The following ATP6V1C2 variants were observed in gnomAD, a reference collection of about 807,000 sequenced individuals.
The protein encoded by ATP6V1C2 is ATPase H+ transporting V1 subunit C2.
Under a neutral mutation model 56.8 loss-of-function variants are expected in ATP6V1C2, and 45 were observed. The ratio of observed to expected loss-of-function variants is 0.79; its 90% confidence interval spans 0.62 to 1.02. The LOEUF (loss-of-function observed/expected upper bound fraction) is 1.02. ATP6V1C2 is among the 50% of genes least tolerant of loss of function. The pLI is 0.00. For synonymous variants in ATP6V1C2, 220 were observed against 201.3 expected (o/e 1.09, Z -0.79); for missense variants, 463 against 519.7 (o/e 0.89, Z 1.06).
At chr2:10,777,807 A>G (rs559423434) in intron 11 of ATP6V1C2, 85 bp downstream of exon 11, 177 of 1,495,128 alleles carry the variant, frequency 1.2e-4, no homozygotes, top group Non-Finnish European at 1.5e-4. Context: ...GAATCCTTGC[A>G]TTTTTCTGTT....
At chr2:10,721,936 G>A (rs963429446) in intron 1 of ATP6V1C2, among the ~76,000 whole-genome samples, 7 of 152,230 alleles carry the variant, frequency 4.6e-5, no homozygotes, top group African/African-American at 1.7e-4. Context: ...CAGTCAAGGC[G>A]GAAAGGAGCT....
chr2:10,738,037 C>T lies in ATP6V1C2; in HGVS notation c.197+11468C>T, dbSNP rs1243270975. Among the ~76,000 whole-genome samples the T allele has an allele frequency of 3.3e-5, 5 of 152,190 alleles. No homozygotes were observed. In the South Asian group the frequency reaches 8.3e-4, roughly 25 times the overall value. ...TCGAAGGCTGCCCCTTTGTTCCTCT[C>T]TAGCGCTTCTGTGTGCAGTATATTG... On this transcript the variant is annotated intron_variant, in intron 3 of 13. Coordinates refer to ENST00000272238, the MANE Select transcript of ATP6V1C2 (RefSeq NM_001039362.2).
intron 3 of ATP6V1C2, among the ~76,000 whole-genome samples, chr2:10,751,658 G>A (rs549509451): frequency 6.6e-6 from 1 of 152,072 alleles, no homozygotes; most frequent in Non-Finnish European, 1.5e-5. Context: ...GAAGGGATGG[G>A]GCACATTACT....
chr2:10,732,247 T>C (rs1365706394), intron 3 of ATP6V1C2, among the ~76,000 whole-genome samples: 1 of 151,828 alleles, frequency 6.6e-6, no homozygotes, highest in Non-Finnish European at 1.5e-5. Flanking sequence ...CTCTCTCTCT[T>C]TCTCTCACTC....
intron 3 of ATP6V1C2, among the ~76,000 whole-genome samples, chr2:10,739,956 G>A (rs553171700): frequency 5.6e-5 from 4 of 70,948 alleles, no homozygotes; most frequent in African/African-American, 1.0e-4. Flanking sequence ...AAAAAAATTC[G>A]CTGGGCTTGG....
intron 4 of ATP6V1C2, 83 bp from the exon 5 acceptor site, chr2:10,764,248 G>A (rs1476866916): frequency 1.6e-6 from 2 of 1,268,606 alleles, no homozygotes; most frequent in African/African-American, 2.9e-5. Context: ...TGTCCACGCT[G>A]ATGCTTGGCT....
chr2:10,754,038 G>A lies in ATP6V1C2; in HGVS notation c.255G>A (p.Lys85=). The part of the protein sequence containing the change: ...VVEVMEDSKG[K]VQEHLLANGV... The stretch of plus-strand genomic sequence containing the variant: ...AAGTCATGGAGGACTCAAAGGGGAA[G>A]GTCCAGGAGCACCTCCTGGCAAACG... The change falls in exon 4 of 14, where the codon AAG becomes AAA. Residue 85 remains lysine (K), a synonymous_variant. Transcript: ENST00000272238. 2 of 1,607,086 alleles carry A rather than the reference G, an allele frequency of 1.2e-6. No individual in the cohort carries two copies. Among genetic ancestry groups the A allele is most frequent in the Non-Finnish European group, 1.7e-6 (2 of 1,176,106 alleles).
chr2:10,756,232 C>T (rs1365157894), intron 4 of ATP6V1C2, among the ~76,000 whole-genome samples: 3 of 152,070 alleles, frequency 2.0e-5, no homozygotes, highest in Non-Finnish European at 2.9e-5. Flanking sequence ...TAGTGGTGCA[C>T]ACCTGTAATC....
At chr2:10,752,925 G>T (rs1663301925) in intron 3 of ATP6V1C2, among the ~76,000 whole-genome samples, 1 of 152,180 alleles carries the variant, frequency 6.6e-6, no homozygotes, top group Non-Finnish European at 1.5e-5. Flanking sequence ...GAACCCGGGA[G>T]GCGGAGGTTG....
At chr2:10,733,967 T>C (rs1187790028) in intron 3 of ATP6V1C2, among the ~76,000 whole-genome samples, 1 of 152,192 alleles carries the variant, frequency 6.6e-6, no homozygotes, top group African/African-American at 2.4e-5. Flanking sequence ...TAGTGATACG[T>C]GTGAGTCAGT....
chr2:10,783,082 C>T (rs1466150574), intron 13 of ATP6V1C2, 92 bp from the exon 14 acceptor site: 37 of 924,336 alleles, frequency 4.0e-5, no homozygotes, highest in South Asian at 2.6e-4. Context: ...GCAGAACGTA[C>T]GCTCAGTGCC....
chr2:10,748,306 A>G (rs1331748744), intron 3 of ATP6V1C2, among the ~76,000 whole-genome samples: 2 of 152,200 alleles, frequency 1.3e-5, no homozygotes, highest in African/African-American at 4.8e-5. Context: ...GAGGTTATGC[A>G]GTTTTGGCAA....
Position 10,784,170 on chromosome 2 carries a change from A to G in ATP6V1C2, c.*907A>G. ...TGGTTAAAAGGCCACTGGTAGAGTC[A>G]TCTGAGTGTAGAGAATGTCCCTTCA... is the stretch of plus-strand genomic sequence containing the variant. On this transcript the variant is annotated 3_prime_UTR_variant, in exon 14 of 14. Coordinates refer to ENST00000272238, the MANE Select transcript of ATP6V1C2 (RefSeq NM_001039362.2). 1 of 946,712 alleles carries G rather than the reference A, an allele frequency of 1.1e-6. No homozygotes were observed. The highest frequency in any genetic ancestry group is 1.6e-6 in the Non-Finnish European group (1 of 614,250). The allele number at this position is 946,712 out of a possible 1,614,324, so 58.6% of individuals were successfully genotyped here.
intron 3 of ATP6V1C2, among the ~76,000 whole-genome samples, chr2:10,742,865 C>G (rs981632546): frequency 2.0e-5 from 3 of 152,136 alleles, no homozygotes; most frequent in Non-Finnish European, 4.4e-5. Flanking sequence ...CTGGGCGGCC[C>G]CTTCTCGCCT....
chr2:10,756,409 T>G lies in ATP6V1C2; in HGVS notation c.283+2343T>G, dbSNP rs190114033. On this transcript the variant is annotated intron_variant, in intron 4 of 13. Transcript: ENST00000272238. The stretch of plus-strand genomic sequence containing the variant: ...ATAATACTGTATTTTTACTGTACCT[T>G]TTCCATGTTTAGAAATATTTAGATA... Among the ~76,000 whole-genome samples, 103 of 151,172 alleles carry G rather than the reference T, an allele frequency of 6.8e-4. 1 individual carries two copies. The highest frequency in any genetic ancestry group is 2.0e-3 in the African/African-American group (82 of 41,156).
chr2:10,749,130 CAAAAAA>C (rs56095492), intron 3 of ATP6V1C2, among the ~76,000 whole-genome samples: 1 of 94,778 alleles, frequency 1.1e-5, no homozygotes, highest in African/African-American at 3.8e-5. Flanking sequence ...AACTCCGTCT[CAAAAAA>C]AAAAAAAAAA....
chr2:10,773,429 C>T (rs1266752093), intron 8 of ATP6V1C2, among the ~76,000 whole-genome samples: 1 of 152,214 alleles, frequency 6.6e-6, no homozygotes, highest in Admixed American at 6.5e-5. Flanking sequence ...GTTGCCCAGG[C>T]TGGAGTGCAG....
intron 12 of ATP6V1C2, among the ~76,000 whole-genome samples, chr2:10,781,987 T>C (rs1665389525): frequency 6.6e-6 from 1 of 152,258 alleles, no homozygotes; most frequent in South Asian, 2.1e-4. Context: ...CACCGTGGAA[T>C]GGCCATTCAT....
intron 13 of ATP6V1C2, among the ~76,000 whole-genome samples, chr2:10,782,913 T>TGAG (rs1212646752): frequency 1.4e-5 from 2 of 148,026 alleles, no homozygotes; most frequent in African/African-American, 5.0e-5. Flanking sequence ...CTTGGGAGTC[T>TGAG]GAGGCAGGCA....
Sources: allele counts gnomAD v4.1 joint callset (sites outside exome capture counted in the v4.1 genomes callset), GRCh38; gene constraint gnomAD v4.1.1; transcripts MANE v1.5; gene names NCBI Gene and HGNC (gene_info 2026-07-23, HGNC 2026-07-21).